TEX264: variants seen among roughly 807,000 people sequenced by gnomAD.
The protein encoded by TEX264 is testis expressed 264, ER-phagy receptor.
A neutral mutation model predicts 23.4 loss-of-function variants in TEX264; 13 were observed. The ratio of observed to expected loss-of-function variants is 0.56; its 90% CI spans 0.36 to 0.88. TEX264 has a LOEUF of 0.88. TEX264 is among the 40% of genes least tolerant of loss of function. The pLI is 0.01. For synonymous variants in TEX264, 159 were observed against 170.0 expected (o/e 0.94, Z 0.50); for missense variants, 340 against 406.8 (o/e 0.84, Z 1.41).
intron 4 of TEX264, among the ~76,000 whole-genome samples, chr3:51,702,512 C>T (rs1259966959): frequency 6.6e-6 from 1 of 152,096 alleles, no homozygotes; most frequent in Non-Finnish European, 1.5e-5. Context: ...CCACCCCCAA[C>T]CTAGGCCCCA....
chr3:51,681,075 C>G (rs1038382094), intron 2 of TEX264, among the ~76,000 whole-genome samples: 1 of 152,168 alleles, frequency 6.6e-6, no homozygotes, highest in Non-Finnish European at 1.5e-5. Context: ...TTCTAGGCTC[C>G]TCCTTAGGCC....
At chr3:51,679,578 C>T (rs1702352364) in intron 2 of TEX264, among the ~76,000 whole-genome samples, 1 of 152,156 alleles carries the variant, frequency 6.6e-6, no homozygotes, top group Non-Finnish European at 1.5e-5. Flanking sequence ...GCTGTGTGAC[C>T]TTGGCTGAAT....
intron 3 of TEX264, among the ~76,000 whole-genome samples, chr3:51,688,011 C>A (rs1702688717): frequency 6.6e-6 from 1 of 152,176 alleles, no homozygotes; most frequent in South Asian, 2.1e-4. Context: ...TGGAACTCTG[C>A]CTTTCTCCAT....
chr3:51,676,241 C>A (rs1182570066), intron 2 of TEX264, among the ~76,000 whole-genome samples: 1 of 152,246 alleles, frequency 6.6e-6, no homozygotes, highest in Non-Finnish European at 1.5e-5. Flanking sequence ...GTCCTTGCAG[C>A]TGGCTGTCTT....
Position 51,691,896 on chromosome 3 carries a change from C to T in TEX264, c.480+7262C>T, listed in dbSNP as rs544486725. On this transcript the variant is annotated intron_variant, in intron 3 of 4. Coordinates refer to ENST00000341333, the MANE Select transcript of TEX264 (RefSeq NM_015926.6). This position sits in a 1 kb window ranked among gnomAD's most constrained non-coding sequence, Gnocchi z 4.4. ...CCAAGCCAAGAGGCGATCCTCCCAC[C>T]ATACCACGGCTTGGCTTCCCCGGCT... 2.0e-5 allele frequency among the ~76,000 whole-genome samples: 3 copies of T among 152,356 alleles called. No individual in the cohort carries two copies. In the South Asian group the frequency reaches 6.2e-4, roughly 32 times the overall value.
At chr3:51,675,021 G>T (rs1473733814) in intron 2 of TEX264, among the ~76,000 whole-genome samples, 1 of 152,226 alleles carries the variant, frequency 6.6e-6, no homozygotes, top group Non-Finnish European at 1.5e-5. Flanking sequence ...GCCCTTGAGG[G>T]CTGAGAGGGC....
chr3:51,699,079 C>T (rs777798689), intron 3 of TEX264, among the ~76,000 whole-genome samples: 1 of 152,130 alleles, frequency 6.6e-6, no homozygotes, highest in Non-Finnish European at 1.5e-5. Flanking sequence ...CTTCATGGCT[C>T]TGTGAGACCA....
rs1025520836 is a variant in TEX264 at position 51,703,005 on chromosome 3, G to A, written c.650-719G>A. ...GCACCAGTCATTGGGGGTGGGGTGG[G>A]TAAGGGTTTCTCAGGGTCGACCCAG... On this transcript the variant is annotated intron_variant, in intron 4 of 4. Transcript: ENST00000341333. The surrounding 1 kb of genome is among the most constrained non-coding windows in gnomAD (Gnocchi z 4.8). 1.3e-5 allele frequency among the ~76,000 whole-genome samples: 2 copies of A among 151,976 alleles called. No homozygotes were observed. Among genetic ancestry groups the A allele is most frequent in the Non-Finnish European group, 2.9e-5 (2 of 67,938 alleles).
At chr3:51,676,928 A>G (rs1702251505) in intron 2 of TEX264, among the ~76,000 whole-genome samples, 1 of 152,150 alleles carries the variant, frequency 6.6e-6, no homozygotes, top group African/African-American at 2.4e-5. Context: ...TCCAGAAGAC[A>G]CCTGTGTCCC....
intron 3 of TEX264, among the ~76,000 whole-genome samples, chr3:51,689,055 G>A (rs1035773020): frequency 3.3e-5 from 5 of 152,086 alleles, no homozygotes; most frequent in Non-Finnish European, 7.4e-5. Context: ...GGAGGTCAAG[G>A]CTGCAGTGAG....
intron 1 of TEX264, 72 bp from the exon 2 acceptor site, chr3:51,674,199 C>A: frequency 6.5e-7 from 1 of 1,538,762 alleles, no homozygotes; most frequent in Non-Finnish European, 8.9e-7. Flanking sequence ...TGGGCCAGAA[C>A]TGGTTGGCGG....
Position 51,704,180 on chromosome 3 carries a change from T to G in TEX264, c.*164T>G. 1 of 585,280 alleles carries G rather than the reference T, an allele frequency of 1.7e-6. No individual in the cohort carries two copies. The allele number at this position is 585,280 out of a possible 1,614,324, so 36.3% of individuals were successfully genotyped here. A position where few individuals can be genotyped will look rare whatever the true frequency, so the allele number is the denominator to read the frequency against. On this transcript the variant is annotated 3_prime_UTR_variant, in exon 5 of 5. Transcript: ENST00000341333. Reference sequence around the variant, plus strand: ...TGCTAAGCCTTCTCCTCACTGCCCTTTAGGCTCCCAGGGCCAGAGGAGCCA... The same window carrying G: ...TGCTAAGCCTTCTCCTCACTGCCCTGTAGGCTCCCAGGGCCAGAGGAGCCA...
At chr3:51,688,383 C>T (rs989101028) in intron 3 of TEX264, among the ~76,000 whole-genome samples, 3 of 152,150 alleles carry the variant, frequency 2.0e-5, no homozygotes, top group African/African-American at 2.4e-5. Context: ...CCTGGGAATT[C>T]GATGTGTGGG....
At chr3:51,698,214 T>C (rs893793611) in intron 3 of TEX264, among the ~76,000 whole-genome samples, 3 of 152,214 alleles carry the variant, frequency 2.0e-5, no homozygotes, top group African/African-American at 7.2e-5. Context: ...GCTAGCTTGC[T>C]TTAGTTGAAG....
At chr3:51,702,884 T>G (rs1703364845) in intron 4 of TEX264, among the ~76,000 whole-genome samples, 2 of 151,946 alleles carry the variant, frequency 1.3e-5, no homozygotes, top group Admixed American at 1.3e-4. Flanking sequence ...TTAGAAGGAG[T>G]TTGGGCCATC....
At chr3:51,676,420 T>C (rs950811233) in intron 2 of TEX264, among the ~76,000 whole-genome samples, 3 of 152,184 alleles carry the variant, frequency 2.0e-5, no homozygotes, top group Admixed American at 1.3e-4. Flanking sequence ...TATTCTGGCC[T>C]GGCCACTGCC....
At chr3:51,698,179 G>A (rs772713067) in intron 3 of TEX264, among the ~76,000 whole-genome samples, 6 of 152,004 alleles carry the variant, frequency 3.9e-5, no homozygotes, top group Non-Finnish European at 7.4e-5. Flanking sequence ...TTTATCATCC[G>A]TGGGCTTGCT....
chr3:51,688,038 C>A (rs1435351104), intron 3 of TEX264, among the ~76,000 whole-genome samples: 2 of 152,156 alleles, frequency 1.3e-5, no homozygotes, highest in Admixed American at 6.5e-5. Context: ...TGCTAAGGGC[C>A]CCCAGGCTGA....
Position 51,703,586 on chromosome 3 carries a change from G to T in TEX264, c.650-138G>T. On this transcript the variant is annotated intron_variant, in intron 4 of 4. Coordinates refer to ENST00000341333, the MANE Select transcript of TEX264 (RefSeq NM_015926.6). This position sits in a 1 kb window ranked among gnomAD's most constrained non-coding sequence, Gnocchi z 4.8. The stretch of plus-strand genomic sequence containing the variant: ...TGTGCAGCCCCAGTCAGGGTAGAGG[G>T]CAGAGGGCAGCTGGAGCAAGCCCCC... The T allele has an allele frequency of 1.2e-6, 1 of 812,002 alleles. No individual in the cohort carries two copies. The allele number at this position is 812,002 out of a possible 1,614,324, so 50.3% of individuals were successfully genotyped here.
Sources: gnomAD v4.1 joint callset for allele counts (sites outside exome capture counted in the v4.1 genomes callset) on GRCh38, gnomAD v4.1.1 for gene constraint, Gnocchi (gnomAD v3.1) non-coding constraint, MANE v1.5 for transcripts, NCBI Gene and HGNC (gene_info 2026-07-23, HGNC 2026-07-21) for gene names.